The following TP53BP2 variants were observed in gnomAD, a reference collection of about 807,000 sequenced individuals.
TP53BP2 encodes the protein tumor protein p53 binding protein 2.
Under a neutral mutation model 126.2 loss-of-function variants are expected in TP53BP2, and 62 were observed. The ratio of observed to expected loss-of-function variants is 0.49; its 90% CI spans 0.40 to 0.61. The LOEUF (loss-of-function observed/expected upper bound fraction) is 0.61. Among genes scored for constraint, TP53BP2 ranks in the 20% least tolerant of loss-of-function variants. TP53BP2 has a pLI of 0.00. For missense variants in TP53BP2, 1,215 were observed against 1,402.8 expected (o/e 0.87, Z 2.14); for synonymous variants, 485 against 502.9 (o/e 0.96, Z 0.48).
chr1:223,809,887 C>T (rs111771640), intron 4 of TP53BP2, among the ~76,000 whole-genome samples: 2,845 of 151,928 alleles, frequency 0.019, 86 homozygotes, highest in African/African-American at 0.065. Flanking sequence ...AGTGCCATGG[C>T]GCGACCTAGG....
intron 1 of TP53BP2, among the ~76,000 whole-genome samples, chr1:223,837,923 G>A (rs1224661895): frequency 1.4e-5 from 2 of 146,196 alleles, no homozygotes; most frequent in Non-Finnish European, 1.5e-5. Flanking sequence ...GCCCTGCCCC[G>A]CCCCCGCCGC....
At chr1:223,814,910 C>T (rs375100346) in intron 2 of TP53BP2, among the ~76,000 whole-genome samples, 1 of 152,098 alleles carries the variant, frequency 6.6e-6, no homozygotes, top group African/African-American at 2.4e-5. Flanking sequence ...ATATTTGCCC[C>T]TCTTCCAGTG....
chr1:223,786,828 G>A (rs571878648), intron 16 of TP53BP2, among the ~76,000 whole-genome samples: 12 of 151,970 alleles, frequency 7.9e-5, no homozygotes, highest in African/African-American at 2.2e-4. Flanking sequence ...GAATGGTCTC[G>A]ATCTCCTGAC....
chr1:223,798,374 T>C lies in TP53BP2; in HGVS notation c.1789A>G (p.Lys597Glu). 3 of 1,614,118 alleles carry C rather than the reference T, an allele frequency of 1.9e-6. No individual in the cohort carries two copies. The highest frequency in any genetic ancestry group is 1.7e-6 in the Non-Finnish European group (2 of 1,180,012). The part of the protein sequence containing the change: ...AVRPFTPQPS[K>E]DTLLPPFRKP... ...CTGAAGGGTGGAAGTAAGGTGTCTT[T>C]GGAAGGCTGGGGAGTAAAGGGCCGG... Residue 597 changes from lysine to glutamate, a missense_variant, in exon 12 of 18, where the codon AAA (lysine) becomes GAA (glutamate). Coordinates refer to ENST00000343537, the MANE Select transcript of TP53BP2 (RefSeq NM_001031685.3).
chr1:223,811,697 T>C (rs1012038005), intron 3 of TP53BP2, among the ~76,000 whole-genome samples: 13 of 152,284 alleles, frequency 8.5e-5, no homozygotes, highest in East Asian at 5.8e-4. Context: ...CTAATTGAAT[T>C]GGAAAAAGAA....
chr1:223,844,349 G>A (rs1309741886), intron 1 of TP53BP2, among the ~76,000 whole-genome samples: 1 of 152,136 alleles, frequency 6.6e-6, no homozygotes, highest in Non-Finnish European at 1.5e-5. Context: ...AAACCATATA[G>A]CAACAACTGA....
chr1:223,801,830 T>A (rs536324257), intron 9 of TP53BP2: 3 of 232,380 alleles, frequency 1.3e-5, no homozygotes, highest in Admixed American at 5.1e-5. Flanking sequence ...ATTTCCTTAG[T>A]AACAATAAGG....
Position 223,799,945 on chromosome 1 carries a change from G to C in TP53BP2, c.1439C>G (p.Thr480Ser), listed in dbSNP as rs1222824302. Residue 480 changes from threonine to serine, a missense_variant, in exon 11 of 18, where the codon ACT (threonine) becomes AGT (serine). Coordinates refer to ENST00000343537, the MANE Select transcript of TP53BP2 (RefSeq NM_001031685.3). ...TTCACTGCTCTGGTTCTTCCTCAGA[G>C]TACCAAAGGAAGGTGGGGCATTGGA... ...DQSNAPPSFG[T>S]LRKNQSSEDI... 6.2e-7 allele frequency: 1 copy of C among 1,612,100 alleles called. No individual in the cohort carries two copies. The highest frequency in any genetic ancestry group is 8.5e-7 in the Non-Finnish European group (1 of 1,179,466).
chr1:223,845,628 G>T, intron 1 of TP53BP2, 26 bp downstream of exon 1: 1 of 1,545,990 alleles, frequency 6.5e-7, no homozygotes. Flanking sequence ...TTCCGGGCCC[G>T]ACGCCCTGGC....
intron 1 of TP53BP2, among the ~76,000 whole-genome samples, chr1:223,827,060 C>T (rs1663522430): frequency 6.6e-6 from 1 of 152,058 alleles, no homozygotes; most frequent in Admixed American, 6.5e-5. Context: ...AGAATGAGGC[C>T]TCTATGTTAA....
At chr1:223,809,449 C>G (rs1449874081) in intron 4 of TP53BP2, among the ~76,000 whole-genome samples, 1 of 151,984 alleles carries the variant, frequency 6.6e-6, no homozygotes, top group Non-Finnish European at 1.5e-5. Context: ...CACCTGTAAT[C>G]CCAGCTACTC....
At chr1:223,808,333 G>A (rs1409932466) in intron 4 of TP53BP2, among the ~76,000 whole-genome samples, 1 of 151,676 alleles carries the variant, frequency 6.6e-6, no homozygotes, top group East Asian at 1.9e-4. Flanking sequence ...CTGAGGTCAG[G>A]AGTTCGAGAC....
chr1:223,829,877 T>G (rs72749563), intron 1 of TP53BP2, among the ~76,000 whole-genome samples: 25 of 152,236 alleles, frequency 1.6e-4, no homozygotes, highest in Non-Finnish European at 2.4e-4. Flanking sequence ...AAGTGCATAT[T>G]AGATCAGCCC....
At chr1:223,839,657 C>G (rs552852522) in intron 1 of TP53BP2, among the ~76,000 whole-genome samples, 2 of 152,118 alleles carry the variant, frequency 1.3e-5, no homozygotes, top group Non-Finnish European at 2.9e-5. Flanking sequence ...AGTGAAAGTT[C>G]GGCCAACTGC....
intron 4 of TP53BP2, among the ~76,000 whole-genome samples, chr1:223,810,106 G>A (rs367914740): frequency 1.2e-4 from 18 of 152,152 alleles, no homozygotes; most frequent in East Asian, 5.8e-4. Flanking sequence ...GATAACAGGC[G>A]TGAGCCACTG....
At chr1:223,811,904 G>A (rs976770240) in intron 3 of TP53BP2, among the ~76,000 whole-genome samples, 2 of 152,192 alleles carry the variant, frequency 1.3e-5, no homozygotes, top group East Asian at 3.9e-4. Flanking sequence ...CACTGAAACT[G>A]CATATTGCAC....
chr1:223,801,322 C>T (rs750923737), intron 9 of TP53BP2, among the ~76,000 whole-genome samples: 3 of 152,274 alleles, frequency 2.0e-5, no homozygotes, highest in Non-Finnish European at 4.4e-5. Context: ...ACTCTTTCCA[C>T]AATAAAATCC....
chr1:223,804,154 A>G lies in TP53BP2; in HGVS notation c.649+20T>C. 6.3e-7 allele frequency: 1 copy of G among 1,589,844 alleles called. No individual in the cohort carries two copies. The highest frequency in any genetic ancestry group is 8.5e-7 in the Non-Finnish European group (1 of 1,172,394). On this transcript the variant is annotated intron_variant, in intron 6 of 17. Transcript: ENST00000343537. ...GACAAATAAATGTATAAAAAAGTAA[A>G]TCTATGAGGAACAACTCACCAAGTT...
chr1:223,839,996 T>C (rs1664054945), intron 1 of TP53BP2, among the ~76,000 whole-genome samples: 1 of 152,236 alleles, frequency 6.6e-6, no homozygotes, highest in African/African-American at 2.4e-5. Flanking sequence ...AACATATTCA[T>C]TGAAAATCTG....
Sources: gnomAD v4.1 joint callset for allele counts (sites outside exome capture counted in the v4.1 genomes callset) on GRCh38, gnomAD v4.1.1 for gene constraint, MANE v1.5 for transcripts, NCBI Gene and HGNC (gene_info 2026-07-23, HGNC 2026-07-21) for gene names.